Variants in DYNC2H1 observed in about 807,000 individuals in gnomAD.
DYNC2H1 encodes dynein cytoplasmic 2 heavy chain 1, also known as cytoplasmic dynein 2 heavy chain 1.
A neutral mutation model predicts 570.0 loss-of-function variants in DYNC2H1; 410 were observed. The ratio of observed to expected loss-of-function variants is 0.72; its 90% CI spans 0.66 to 0.78. The LOEUF (loss-of-function observed/expected upper bound fraction) is 0.78. Among genes scored for constraint, DYNC2H1 ranks in the 30% least tolerant of loss-of-function variants. DYNC2H1 has a pLI of 0.00. For missense variants in DYNC2H1, 4,865 were observed against 5,046.4 expected (o/e 0.96, Z 1.09); for synonymous variants, 1,688 against 1,677.6 (o/e 1.01, Z -0.15).
At position 103,170,760 on chromosome 11, in the gene DYNC2H1, A is replaced by G; in HGVS notation, c.5152-126A>G. The stretch of plus-strand genomic sequence containing the variant: ...AGAGTAGCTACTTAATCCGTATTTT[A>G]AAATGAGCAAAAGAGGCATAGATGG... On this transcript the variant is annotated intron_variant, in intron 33 of 88. Transcript: ENST00000375735. This position sits in a 1 kb window ranked among gnomAD's most constrained non-coding sequence, Gnocchi z 4.8. 2 of 941,994 alleles carry G rather than the reference A, an allele frequency of 2.1e-6. No individual in the cohort carries two copies. Among genetic ancestry groups the G allele is most frequent in the Non-Finnish European group, 2.8e-6 (2 of 703,158 alleles). 58.4% of individuals were successfully genotyped at this position (941,994 alleles called of 1,614,324 possible).
In DYNC2H1 at chr11:103,191,691, A is replaced by G. The variant is rs988757119; in HGVS notation, c.7540+72A>G. On this transcript the variant is annotated intron_variant, in intron 46 of 88. Transcript: ENST00000375735. ...ATTTATTCTCTAGATTGTATTTGTAATAGATAAGTTAAATGCGTATTATAT... is the reference window on the plus strand; with the variant it reads ...ATTTATTCTCTAGATTGTATTTGTAGTAGATAAGTTAAATGCGTATTATAT... 1.3e-5 allele frequency: 11 copies of G among 822,766 alleles called. No individual in the cohort carries two copies. In the Admixed American group the frequency reaches 1.7e-4, roughly 12 times the overall value. The allele number at this position is 822,766 out of a possible 1,614,324, so 51.0% of individuals were successfully genotyped here.
rs370379996 is a variant in DYNC2H1 at position 103,159,009 on chromosome 11, C to A, written c.4360C>A (p.Leu1454Met). 15 of 1,612,166 alleles carry A rather than the reference C, an allele frequency of 9.3e-6. No individual in the cohort carries two copies. In the African/African-American group the frequency reaches 1.9e-4, roughly 20 times the overall value. Residue 1454 changes from leucine to methionine, a missense_variant, in exon 28 of 89, where the codon CTG becomes ATG. Physicochemically the swap from Leu to Met is conservative, Grantham distance 15. This residue lies in a region of DYNC2H1 where 1,936 missense variants were observed against 1,962.1 expected (regional missense o/e 0.99). Transcript: ENST00000375735. ...CAACCCATCAGTGATTCAGTCTCAC[C>A]TGAAGAAGCTTTTTGCTGGTAGGAT... The part of the protein sequence containing the change: ...STNPSVIQSH[L>M]KKLFAGINSV...
At chr11:103,400,176 A>AG (rs1942579410) in intron 84 of DYNC2H1, among the ~76,000 whole-genome samples, 1 of 152,132 alleles carries the variant, frequency 6.6e-6, no homozygotes, top group Non-Finnish European at 1.5e-5. Context: ...CATGAGCTTG[A>AG]GTTTTATATT....
At position 103,275,154 on chromosome 11, in the gene DYNC2H1, T is replaced by C. The variant is rs1392382601; in HGVS notation, c.10696-5194T>C. 6.6e-6 allele frequency among the ~76,000 whole-genome samples: 1 copy of C among 152,300 alleles called. No homozygotes were observed. The highest frequency in any genetic ancestry group is 2.1e-4 in the South Asian group (1 of 4,832). On this transcript the variant is annotated intron_variant, in intron 70 of 88. Coordinates refer to ENST00000375735, the MANE Select transcript of DYNC2H1 (RefSeq NM_001377.3). This position sits in a 1 kb window ranked among gnomAD's most constrained non-coding sequence, Gnocchi z 4.8. ...TCTATGTAATATTCATTGGCTATGT[T>C]ATAGTTGTGAATGTGTTTTTTTAAA...
intron 83 of DYNC2H1, among the ~76,000 whole-genome samples, chr11:103,389,755 C>T (rs1942054070): frequency 1.3e-5 from 2 of 151,802 alleles, no homozygotes; most frequent in African/African-American, 4.8e-5. Flanking sequence ...TCGTTATGTA[C>T]CCAGTAGTCA....
Position 103,244,382 on chromosome 11 carries a change from A to G in DYNC2H1, c.9918+591A>G, listed in dbSNP as rs1864531025. Among the ~76,000 whole-genome samples, 1 of 151,834 alleles carries G rather than the reference A, an allele frequency of 6.6e-6. No homozygotes were observed. The highest frequency in any genetic ancestry group is 2.4e-5 in the African/African-American group (1 of 41,414). On this transcript the variant is annotated intron_variant, in intron 64 of 88. Coordinates refer to ENST00000375735, the MANE Select transcript of DYNC2H1 (RefSeq NM_001377.3). The surrounding 1 kb of genome is among the most constrained non-coding windows in gnomAD (Gnocchi z 4.3). ...TTGTTAAAGGAAGACCTAATATATGATTAATTTTCATAGATAATTTTCAGG... is the reference window on the plus strand; with the variant it reads ...TTGTTAAAGGAAGACCTAATATATGGTTAATTTTCATAGATAATTTTCAGG...
chr11:103,192,978 AC>A (rs970161985), intron 47 of DYNC2H1, among the ~76,000 whole-genome samples: 12 of 152,204 alleles, frequency 7.9e-5, no homozygotes, highest in African/African-American at 2.9e-4. Flanking sequence ...TTATACAATT[AC>A]TTTTAATGGC....
chr11:103,269,162 A>T (rs1350437311), intron 70 of DYNC2H1, among the ~76,000 whole-genome samples: 1 of 152,170 alleles, frequency 6.6e-6, no homozygotes, highest in Non-Finnish European at 1.5e-5. Context: ...AACATGTGAA[A>T]ATCATTTTTA....
Position 103,181,927 on chromosome 11 carries a change from A to C in DYNC2H1, c.6477+41A>C. On this transcript the variant is annotated intron_variant, in intron 40 of 88. Transcript: ENST00000375735. The surrounding 1 kb of genome is among the most constrained non-coding windows in gnomAD (Gnocchi z 5.0). ...TATTTCATAATTAATCGAGGTGAGA[A>C]GTATGATTAAGAGTGATGCTTATTT... is the stretch of plus-strand genomic sequence containing the variant. The C allele has an allele frequency of 1.3e-6, 2 of 1,580,558 alleles. No homozygotes were observed. Among genetic ancestry groups the C allele is most frequent in the South Asian group, 2.3e-5 (2 of 86,346 alleles).
chr11:103,152,525 C>T (rs549153069), intron 21 of DYNC2H1, among the ~76,000 whole-genome samples: 2 of 152,150 alleles, frequency 1.3e-5, no homozygotes, highest in African/African-American at 4.8e-5. Context: ...TATTTGTAGG[C>T]CTGTGAATGA....
intron 82 of DYNC2H1, among the ~76,000 whole-genome samples, chr11:103,340,126 A>G (rs571984249): frequency 9.5e-4 from 145 of 152,266 alleles, no homozygotes; most frequent in Non-Finnish European, 1.4e-3. Context: ...AAAGTTAGAT[A>G]CTGTGATTGC....
At chr11:103,346,095 T>C (rs1361416667) in intron 82 of DYNC2H1, among the ~76,000 whole-genome samples, 1 of 152,194 alleles carries the variant, frequency 6.6e-6, no homozygotes, top group African/African-American at 2.4e-5. Flanking sequence ...ATTCTTAAAA[T>C]GTAATGATGA....
At chr11:103,388,212 C>T (rs1203428887) in intron 83 of DYNC2H1, among the ~76,000 whole-genome samples, 2 of 83,090 alleles carry the variant, frequency 2.4e-5, no homozygotes, top group Non-Finnish European at 5.6e-5. Context: ...TTGAAGAGGT[C>T]CTTCACATCC....
At position 103,133,613 on chromosome 11, in the gene DYNC2H1, T is replaced by C; in HGVS notation, c.2012T>C (p.Leu671Ser). 6.2e-7 allele frequency: 1 copy of C among 1,611,942 alleles called. No individual in the cohort carries two copies. The highest frequency in any genetic ancestry group is 1.1e-5 in the South Asian group (1 of 90,220). ...SQITWDNPKE[L>S]EGYIQKLQNA... ...ATAACTTGGGATAATCCTAAAGAAT[T>C]AGAAGGCTATATCCAAAAACTCCAA... The change falls in exon 14 of 89, where the codon TTA becomes TCA. Residue 671 changes from leucine to serine, a missense_variant. Physicochemically the swap from Leu to Ser is moderately radical, Grantham distance 145 (BLOSUM62 -2). Around this residue, in one of 5 missense-constraint regions of DYNC2H1, gnomAD observed 1,936 missense variants for 1,962.1 expected, o/e 0.99. Transcript: ENST00000375735. The surrounding 1 kb of genome is among the most constrained non-coding windows in gnomAD (Gnocchi z 4.8).
chr11:103,219,917 T>C lies in DYNC2H1; in HGVS notation c.8835T>C (p.Asp2945=). 1 of 1,509,562 alleles carries C rather than the reference T, an allele frequency of 6.6e-7. No homozygotes were observed. Among genetic ancestry groups the C allele is most frequent in the Non-Finnish European group, 8.8e-7 (1 of 1,130,656 alleles). 93.5% of individuals were successfully genotyped at this position (1,509,562 alleles called of 1,614,324 possible). A position where few individuals can be genotyped will look rare whatever the true frequency, so the allele number is the denominator to read the frequency against. Reference sequence around the variant, plus strand: ...ATGCCACTTAAATATTCTTATAGGATGCTAGTGAGCAAAAAACAGAACTTG... The same window carrying C: ...ATGCCACTTAAATATTCTTATAGGACGCTAGTGAGCAAAAAACAGAACTTG... ...ALQMITVSMQ[D]ASEQKTELER... is the part of the protein sequence containing the mutation. The change falls in exon 56 of 89, where the codon GAT becomes GAC. Residue 2945 remains aspartate, a splice_region_variant and synonymous_variant. Coordinates refer to ENST00000375735, the MANE Select transcript of DYNC2H1 (RefSeq NM_001377.3).
Position 103,209,822 on chromosome 11 carries a change from A to G in DYNC2H1, c.8455-54A>G. ...ACTTTTTTTGTATTAAAGGTTTTTAACTTATGATATGGGACTTATACTCTT... is the reference window on the plus strand; with the variant it reads ...ACTTTTTTTGTATTAAAGGTTTTTAGCTTATGATATGGGACTTATACTCTT... On this transcript the variant is annotated intron_variant, in intron 52 of 88. Coordinates refer to ENST00000375735, the MANE Select transcript of DYNC2H1 (RefSeq NM_001377.3). The surrounding 1 kb of genome is among the most constrained non-coding windows in gnomAD (Gnocchi z 4.2). The G allele has an allele frequency of 4.5e-6, 6 of 1,328,806 alleles. No homozygotes were observed. Among genetic ancestry groups the G allele is most frequent in the Non-Finnish European group, 5.9e-6 (6 of 1,023,658 alleles). The allele number at this position is 1,328,806 out of a possible 1,614,324, so 82.3% of individuals were successfully genotyped here.
chr11:103,161,524 G>C (rs1330523336), intron 29 of DYNC2H1, among the ~76,000 whole-genome samples: 1 of 152,074 alleles, frequency 6.6e-6, no homozygotes, highest in African/African-American at 2.4e-5. Flanking sequence ...TGTTTCCTTT[G>C]AGCATCATGT....
intron 11 of DYNC2H1, among the ~76,000 whole-genome samples, chr11:103,123,737 C>T (rs1639576037): frequency 6.6e-6 from 1 of 152,104 alleles, no homozygotes; most frequent in Non-Finnish European, 1.5e-5. Flanking sequence ...AGCATACCAA[C>T]GGTCTGAGAT....
intron 82 of DYNC2H1, among the ~76,000 whole-genome samples, chr11:103,343,057 T>C (rs1939550170): frequency 6.6e-6 from 1 of 152,162 alleles, no homozygotes; most frequent in Non-Finnish European, 1.5e-5. Flanking sequence ...GTATCAGGCT[T>C]TCTGGGAAAA....
Sources: allele counts gnomAD v4.1 joint callset (sites outside exome capture counted in the v4.1 genomes callset), GRCh38; gene constraint gnomAD v4.1.1; regional missense constraint gnomAD v4.1.1; non-coding constraint Gnocchi (gnomAD v3.1); transcripts MANE v1.5; gene names NCBI Gene and HGNC (gene_info 2026-07-23, HGNC 2026-07-21).